The following HDAC9 variants were observed in gnomAD, a reference collection of about 807,000 sequenced individuals.
The protein encoded by HDAC9 is MEF-2 interacting transcription repressor (MITR) protein.
A neutral mutation model predicts 139.4 loss-of-function variants in HDAC9; 41 were observed. The ratio of observed to expected loss-of-function variants is 0.29; its 90% CI spans 0.23 to 0.38. The LOEUF (loss-of-function observed/expected upper bound fraction) is 0.38, where lower values mean the gene tolerates loss of function less well. Ranked by LOEUF, HDAC9 falls within the 10% of genes least tolerant of loss-of-function variation. The pLI, the probability that HDAC9 is intolerant of heterozygous loss-of-function variation, is 1.00. For synonymous variants in HDAC9, 517 were observed against 476.2 expected (o/e 1.09, Z -1.12); for missense variants, 1,147 against 1,297.0 (o/e 0.88, Z 1.78).
intron 21 of HDAC9, among the ~76,000 whole-genome samples, chr7:18,871,804 A>G (rs1256772922): frequency 6.6e-6 from 1 of 152,176 alleles, no homozygotes; most frequent in East Asian, 1.9e-4. Flanking sequence ...GGACATTCGT[A>G]AATTCATTGC....
chr7:18,685,025 CT>C (rs1324764094), intron 12 of HDAC9, among the ~76,000 whole-genome samples: 18 of 152,124 alleles, frequency 1.2e-4, no homozygotes, highest in African/African-American at 4.1e-4. Context: ...GGTCCTCCCA[CT>C]TTTTTGTTGT....
chr7:18,807,130 C>A (rs2129187095), intron 17 of HDAC9, among the ~76,000 whole-genome samples: 1 of 152,246 alleles, frequency 6.6e-6, no homozygotes, highest in East Asian at 1.9e-4. Flanking sequence ...AATCTCCTTG[C>A]TGTTGCCTGC....
At chr7:18,676,319 T>G (rs1781504862) in intron 12 of HDAC9, among the ~76,000 whole-genome samples, 1 of 152,052 alleles carries the variant, frequency 6.6e-6, no homozygotes, top group Non-Finnish European at 1.5e-5. Flanking sequence ...CTCTGCTTTT[T>G]AACAAATGTT....
At chr7:18,089,827 G>A (rs1782028466) in intron 1 of HDAC9, among the ~76,000 whole-genome samples, 1 of 152,078 alleles carries the variant, frequency 6.6e-6, no homozygotes, top group African/African-American at 2.4e-5. Flanking sequence ...TCTGTATGTA[G>A]CATCTGTACC....
chr7:18,814,403 T>C (rs1271465099), intron 17 of HDAC9, among the ~76,000 whole-genome samples: 4 of 152,248 alleles, frequency 2.6e-5, no homozygotes, highest in Admixed American at 6.5e-5. Context: ...TTAAATTTGA[T>C]ATCTGCTGGT....
At chr7:18,297,835 C>T (rs1798252529) in intron 1 of HDAC9, among the ~76,000 whole-genome samples, 1 of 152,176 alleles carries the variant, frequency 6.6e-6, no homozygotes, top group Admixed American at 6.5e-5. Context: ...TCTTCATCTT[C>T]ACAATAAGAA....
chr7:18,578,441 G>A (rs896244045), intron 2 of HDAC9, among the ~76,000 whole-genome samples: 2 of 152,120 alleles, frequency 1.3e-5, no homozygotes, highest in Admixed American at 1.3e-4. Context: ...CAGTAGCTTT[G>A]CTCTGTAGGC....
intron 17 of HDAC9, among the ~76,000 whole-genome samples, chr7:18,806,398 G>A (rs1793713977): frequency 6.6e-6 from 1 of 152,128 alleles, no homozygotes; most frequent in South Asian, 2.1e-4. Flanking sequence ...CGTGAGACTT[G>A]GGTCTCCATT....
chr7:18,595,477 TG>T (rs1177357737), intron 6 of HDAC9, among the ~76,000 whole-genome samples: 2 of 152,090 alleles, frequency 1.3e-5, no homozygotes, highest in African/African-American at 4.8e-5. Context: ...GTGGGGACTT[TG>T]ATCTGCAGGC....
At chr7:18,205,159 T>G (rs10229621) in intron 2 of HDAC9, among the ~76,000 whole-genome samples, 3,826 of 152,108 alleles carry the variant, frequency 0.025, 154 homozygotes, top group African/African-American at 0.087. Context: ...ATTGATTACA[T>G]AGCTTTCTGT....
intron 8 of HDAC9, among the ~76,000 whole-genome samples, chr7:18,638,447 G>T (rs1469459196): frequency 1.3e-5 from 2 of 152,048 alleles, no homozygotes; most frequent in Admixed American, 1.3e-4. Context: ...GAATGTATGG[G>T]TGTTCCATTC....
chr7:18,767,003 A>G (rs1304731700), intron 15 of HDAC9, 103 bp from the exon 16 acceptor site: 1 of 504,356 alleles, frequency 2.0e-6, no homozygotes, highest in Non-Finnish European at 3.5e-6. Flanking sequence ...GCATCAAACG[A>G]TAAATACCAT....
chr7:18,257,401 C>CACACACACACA (rs1795338037), intron 2 of HDAC9, among the ~76,000 whole-genome samples: 48 of 130,952 alleles, frequency 3.7e-4, no homozygotes, highest in African/African-American at 1.4e-3. Flanking sequence ...TCTGTCTCTC[C>CACACACACACA]CACACACACA....
chr7:18,258,597 A>G (rs926249947), intron 2 of HDAC9, among the ~76,000 whole-genome samples: 10 of 152,318 alleles, frequency 6.6e-5, no homozygotes, highest in South Asian at 2.1e-4. Context: ...GGTTATTTCT[A>G]TTCTCTAGAT....
intron 6 of HDAC9, among the ~76,000 whole-genome samples, chr7:18,615,975 C>A (rs950424198): frequency 6.6e-6 from 1 of 152,156 alleles, no homozygotes; most frequent in Non-Finnish European, 1.5e-5. Flanking sequence ...TCTGGGGACT[C>A]TGGGAATGAA....
chr7:18,762,107 T>G (rs765930729), intron 14 of HDAC9, 50 bp from the exon 15 acceptor site: 4 of 1,609,046 alleles, frequency 2.5e-6, no homozygotes, highest in Non-Finnish European at 2.5e-6. Context: ...TCTCATTTTC[T>G]TCTAAATGTT....
At chr7:18,577,291 G>C (rs3807917) in intron 2 of HDAC9, among the ~76,000 whole-genome samples, 3 of 151,912 alleles carry the variant, frequency 2.0e-5, no homozygotes, top group African/African-American at 7.3e-5. Context: ...GTGCCTTGTA[G>C]AGTCCAATCA....
intron 1 of HDAC9, among the ~76,000 whole-genome samples, chr7:18,413,298 T>C (rs977502181): frequency 5.3e-5 from 8 of 152,174 alleles, no homozygotes; most frequent in Non-Finnish European, 1.2e-4. Flanking sequence ...AAGTATAATA[T>C]ACCACTGGTT....
At chr7:18,174,517 G>T (rs577856929) in intron 2 of HDAC9, among the ~76,000 whole-genome samples, 41 of 152,334 alleles carry the variant, frequency 2.7e-4, no homozygotes, top group Non-Finnish European at 5.4e-4. Context: ...CGATCCTTTG[G>T]AGGAGAAGAG....
Sources: gnomAD v4.1 joint callset for allele counts (sites outside exome capture counted in the v4.1 genomes callset) on GRCh38, gnomAD v4.1.1 for gene constraint, MANE v1.5 for transcripts, NCBI Gene and HGNC (gene_info 2026-07-23, HGNC 2026-07-21) for gene names.